The following COL4A1 variants were observed in gnomAD, a reference collection of about 807,000 sequenced individuals.
COL4A1 encodes collagen type IV alpha 1 chain, also known as collagen alpha-1(IV) chain.
A neutral mutation model predicts 216.6 loss-of-function variants in COL4A1; 40 were observed. The observed-to-expected ratio is 0.18, with a 90% confidence interval of 0.14 to 0.24. The LOEUF is 0.24. Among genes scored for constraint, COL4A1 ranks in the 10% least tolerant of loss-of-function variants. COL4A1 has a pLI of 1.00. For missense variants in COL4A1, 1,628 were observed against 2,196.8 expected (o/e 0.74, Z 5.18); for synonymous variants, 839 against 810.7 (o/e 1.03, Z -0.59).
rs766752492 is a variant in COL4A1 at position 110,200,875 on chromosome 13, G to C, written c.1099C>G (p.Pro367Ala). ...EPGPKGFPGL[P>A]GQPGPPGLPV... ...TCACCTGGAGGTCCGGGTTGGCCTG[G>C]TAGTCCTGGGAAACCTGAAAAGAGA... The change falls in exon 20 of 52, where the codon CCA (proline) becomes GCA (alanine). Residue 367 changes from proline (P) to alanine (A), a missense_variant. Around this residue, in one of 8 missense-constraint regions of COL4A1, gnomAD observed 701 missense variants for 892.5 expected, o/e 0.79. Coordinates refer to ENST00000375820, the MANE Select transcript of COL4A1 (RefSeq NM_001845.6). The C allele has an allele frequency of 3.7e-6, 6 of 1,614,062 alleles. No homozygotes were observed. The South Asian group carries it at 5.5e-5, about 15-fold the overall frequency.
At chr13:110,221,313 T>G (rs1382565987) in intron 2 of COL4A1, among the ~76,000 whole-genome samples, 1 of 152,188 alleles carries the variant, frequency 6.6e-6, no homozygotes, top group African/African-American at 2.4e-5. Flanking sequence ...AAATCCACTT[T>G]GCACATCAGC....
At chr13:110,201,255 GAAGAGGAGA>G (rs1879184718) in intron 19 of COL4A1, 174 bp downstream of exon 19, 1 of 566,240 alleles carries the variant, frequency 1.8e-6, no homozygotes, top group African/African-American at 2.0e-5. Context: ...GGAGGAGGAG[GAAGAGGAGA>G]AAGAGGAGGA....
In COL4A1 at chr13:110,152,522, G is replaced by A. The variant is rs776425169; in HGVS notation, c.4756-16C>T. On this transcript the variant is annotated splice_polypyrimidine_tract_variant and intron_variant, in intron 50 of 51. Coordinates refer to ENST00000375820, the MANE Select transcript of COL4A1 (RefSeq NM_001845.6). ...CGCTGGTGTGCTGCAGAACAGATGC[G>A]AGCCGTGAGTCAGAGGTTCCCTCCC... 9 of 1,603,992 alleles carry A rather than the reference G, an allele frequency of 5.6e-6. No homozygotes were observed. The highest frequency in any genetic ancestry group is 5.3e-5 in the African/African-American group (4 of 74,868).
In COL4A1 at chr13:110,165,434, G is replaced by A. The variant is rs184943983; in HGVS notation, c.4022-444C>T. On this transcript the variant is annotated intron_variant, in intron 45 of 51. Coordinates refer to ENST00000375820, the MANE Select transcript of COL4A1 (RefSeq NM_001845.6). ...ACACTGGTCCTGATCTTTGAGTGAC[G>A]AATGAACTTAATCCTTCTTCTGCAT... is the stretch of plus-strand genomic sequence containing the variant. Among the ~76,000 whole-genome samples the A allele has an allele frequency of 6.0e-4, 92 of 152,224 alleles. 1 individual carries two copies. In the Middle Eastern group the frequency reaches 0.02, roughly 34 times the overall value.
chr13:110,200,788 AT>A, intron 20 of COL4A1, 65 bp downstream of exon 20: 1 of 1,468,694 alleles, frequency 6.8e-7, no homozygotes, highest in Non-Finnish European at 9.5e-7. Flanking sequence ...TAAATTATAT[AT>A]TCAGAATATA....
chr13:110,220,400 A>G (rs1391275913), intron 2 of COL4A1, among the ~76,000 whole-genome samples: 1 of 152,236 alleles, frequency 6.6e-6, no homozygotes, highest in Admixed American at 6.5e-5. Context: ...AAAGTGTTTA[A>G]TATCTTGTGT....
intron 1 of COL4A1, among the ~76,000 whole-genome samples, chr13:110,277,920 T>C (rs766114274): frequency 2.0e-5 from 3 of 152,228 alleles, no homozygotes; most frequent in Non-Finnish European, 4.4e-5. Context: ...TTTATAATTA[T>C]TAAGTAACCC....
chr13:110,151,318 A>C (rs932559271), intron 51 of COL4A1, among the ~76,000 whole-genome samples: 4 of 151,944 alleles, frequency 2.6e-5, no homozygotes, highest in Admixed American at 6.5e-5. Flanking sequence ...AAAAAAAAAA[A>C]CCCATCATTA....
chr13:110,181,695 C>A (rs893556081), intron 28 of COL4A1, among the ~76,000 whole-genome samples: 4 of 152,116 alleles, frequency 2.6e-5, no homozygotes, highest in Non-Finnish European at 5.9e-5. Context: ...TACCCCTTGG[C>A]GCCTGCAGGT....
In COL4A1 at chr13:110,198,782, T is replaced by A. The variant is rs543644709; in HGVS notation, c.1121-151A>T. The A allele has an allele frequency of 4.6e-4, 432 of 944,704 alleles. 5 individuals are homozygous for A. In the African/African-American group the frequency reaches 6.4e-3, roughly 14 times the overall value. 58.5% of individuals were successfully genotyped at this position (944,704 alleles called of 1,614,324 possible). ...TTAGACATGTAAAACCAAATTAAGC[T>A]GGCAGGTGTCTTGCCATTTCATGCT... On this transcript the variant is annotated intron_variant, in intron 20 of 51. Transcript: ENST00000375820.
chr13:110,281,043 A>G (rs1883613408), intron 1 of COL4A1, among the ~76,000 whole-genome samples: 1 of 152,238 alleles, frequency 6.6e-6, no homozygotes, highest in African/African-American at 2.4e-5. Flanking sequence ...CCACTCGAGC[A>G]TAAAAACAAT....
intron 1 of COL4A1, among the ~76,000 whole-genome samples, chr13:110,243,216 T>C (rs1460716135): frequency 6.6e-6 from 1 of 152,114 alleles, no homozygotes; most frequent in East Asian, 1.9e-4. Context: ...AATAAAGGAA[T>C]GAGCTGATTT....
At chr13:110,184,628 T>C (rs1878319826) in intron 26 of COL4A1, among the ~76,000 whole-genome samples, 1 of 152,212 alleles carries the variant, frequency 6.6e-6, no homozygotes, top group African/African-American at 2.4e-5. Flanking sequence ...ACACCTGGGC[T>C]TCCATCAAAC....
chr13:110,237,468 C>T (rs901981949), intron 2 of COL4A1, among the ~76,000 whole-genome samples: 3 of 152,248 alleles, frequency 2.0e-5, no homozygotes, highest in East Asian at 3.9e-4. Flanking sequence ...TCCTGGCATC[C>T]GATGTGTAAA....
intron 1 of COL4A1, among the ~76,000 whole-genome samples, chr13:110,253,414 C>A (rs1450451634): frequency 5.6e-4 from 12 of 21,470 alleles, no homozygotes; most frequent in East Asian, 1.3e-3. Flanking sequence ...ATATGTATTA[C>A]ATATACATAT....
rs1879802807 is a variant in COL4A1, at chr13:110,211,684, A to G, written c.442-11T>C. 7 of 1,610,894 alleles carry G rather than the reference A, an allele frequency of 4.3e-6. No homozygotes were observed. Among genetic ancestry groups the G allele is most frequent in the Non-Finnish European group, 5.9e-6 (7 of 1,178,696 alleles). On this transcript the variant is annotated splice_polypyrimidine_tract_variant and intron_variant, in intron 7 of 51. Transcript: ENST00000375820. This position sits in a 1 kb window ranked among gnomAD's most constrained non-coding sequence, Gnocchi z 4.3. ...TAAGCCTGGTGGTCCCTAAAAAAGA[A>G]AGTTTTGGTGTTAGTTTTGTTTTTC...
chr13:110,234,106 C>T (rs951115294), intron 2 of COL4A1, among the ~76,000 whole-genome samples: 2 of 152,212 alleles, frequency 1.3e-5, no homozygotes, highest in African/African-American at 4.8e-5. Flanking sequence ...TGCTTAAGTG[C>T]TCTTATGTAC....
chr13:110,278,652 T>C (rs535545760), intron 1 of COL4A1, among the ~76,000 whole-genome samples: 8 of 152,330 alleles, frequency 5.3e-5, no homozygotes, highest in African/African-American at 1.9e-4. Context: ...CCACACATAG[T>C]AAATGCTTAA....
At chr13:110,219,894 A>ATATATATGTATATATGTGTG (rs1566386083) in intron 2 of COL4A1, among the ~76,000 whole-genome samples, 2 of 135,578 alleles carry the variant, frequency 1.5e-5, no homozygotes, top group Non-Finnish European at 3.0e-5. Context: ...ATATGTGTGT[A>ATATATATGTATATATGTGTG]TATATATGTA....
Sources: gnomAD v4.1 joint callset for allele counts (sites outside exome capture counted in the v4.1 genomes callset) on GRCh38, gnomAD v4.1.1 for gene constraint, gnomAD v4.1.1 regional missense constraint, Gnocchi (gnomAD v3.1) non-coding constraint, MANE v1.5 for transcripts, NCBI Gene and HGNC (gene_info 2026-07-23, HGNC 2026-07-21) for gene names.